Variants in MYH3 observed in about 807,000 individuals in gnomAD.
MYH3 encodes the protein myosin-3.
Under a neutral mutation model 238.0 loss-of-function variants are expected in MYH3, and 130 were observed. The observed-to-expected ratio is 0.55, with a 90% CI of 0.47 to 0.63. The LOEUF (loss-of-function observed/expected upper bound fraction) is 0.63. Among genes scored for constraint, MYH3 ranks in the 30% least tolerant of loss-of-function variants. MYH3 has a pLI of 0.00. For synonymous variants in MYH3, 880 were observed against 924.1 expected, an observed-to-expected ratio of 0.95 and a Z score of 0.86; for missense variants, 1,853 against 2,374.9, an observed-to-expected ratio of 0.78 and a Z score of 4.57.
intron 28 of MYH3, among the ~76,000 whole-genome samples, chr17:10,637,097 T>C (rs2074222938): frequency 6.6e-6 from 1 of 151,170 alleles, no homozygotes; most frequent in Non-Finnish European, 1.5e-5. Context: ...TTCATTCTTG[T>C]TGCCCAGGCT....
At chr17:10,641,001 CT>C in intron 19 of MYH3, 83 bp downstream of exon 19, 3 of 1,154,700 alleles carry the variant, frequency 2.6e-6, no homozygotes, top group Non-Finnish European at 3.9e-6. Context: ...CGAAATAGGT[CT>C]TTTCATACGA....
chr17:10,630,333 C>T lies in MYH3; in HGVS notation c.5412G>A (p.Leu1804=). ...TCTGCTTCTTCCCGCCCTTCAGCGC[C>T]AGCTGCTCGGCCTCATCTAGACGAT... The part of the protein sequence containing the change: ...LQHRLDEAEQ[L]ALKGGKKQIQ... The change falls in exon 37 of 41, where the codon CTG becomes CTA. Residue 1804 remains leucine (L), a synonymous_variant. Coordinates refer to ENST00000583535, the MANE Select transcript of MYH3 (RefSeq NM_002470.4). The T allele has an allele frequency of 6.2e-7, 1 of 1,614,226 alleles. No homozygotes were observed. Among genetic ancestry groups the T allele is most frequent in the East Asian group, 2.2e-5 (1 of 44,866 alleles).
chr17:10,629,558 A>G (rs745315197), intron 40 of MYH3, 39 bp downstream of exon 40: 3 of 1,611,178 alleles, frequency 1.9e-6, no homozygotes. Context: ...AAGTTTCTAC[A>G]GTCCCTGGGG....
intron 2 of MYH3, among the ~76,000 whole-genome samples, chr17:10,655,715 G>A (rs1049277866): frequency 1.3e-5 from 2 of 151,830 alleles, no homozygotes; most frequent in African/African-American, 4.8e-5. Context: ...GCAGTGGCAC[G>A]ATCTCCACTA....
At position 10,655,023 on chromosome 17, in the gene MYH3, A is replaced by G; in HGVS notation, c.42T>C (p.Ala14=). ...DTEMEVFGIA[A]PFLRKSEKER... ...CCTTTTCTGACTTCCGGAGGAAAGG[A>G]GCAGCTATGCCGAACACTTCCATTT... is the stretch of plus-strand genomic sequence containing the variant. Residue 14 remains alanine (A), a synonymous_variant, in exon 3 of 41, where the codon GCT becomes GCC. Coordinates refer to ENST00000583535, the MANE Select transcript of MYH3 (RefSeq NM_002470.4). The G allele has an allele frequency of 1.2e-6, 2 of 1,614,152 alleles. No individual in the cohort carries two copies. The highest frequency in any genetic ancestry group is 1.7e-6 in the Non-Finnish European group (2 of 1,180,038).
intron 3 of MYH3, among the ~76,000 whole-genome samples, chr17:10,653,490 G>T (rs2074398800): frequency 4.6e-5 from 7 of 152,058 alleles, no homozygotes; most frequent in Admixed American, 4.6e-4. Flanking sequence ...CCCCTTTCCT[G>T]CCCTTTCTGG....
chr17:10,657,818 T>TTAA (rs200368228), upstream of MYH3, among the ~76,000 whole-genome samples: 1 of 152,080 alleles, frequency 6.6e-6, no homozygotes, highest in African/African-American at 2.4e-5. Context: ...CCAGGAATAA[T>TTAA]TAATAATAAT....
Position 10,642,784 on chromosome 17 carries a change from G to A in MYH3, c.1581+42C>T, listed in dbSNP as rs1020015830. 1.9e-6 allele frequency: 3 copies of A among 1,614,016 alleles called. No homozygotes were observed. The African/African-American group carries it at 4.0e-5, about 22-fold the overall frequency. On this transcript the variant is annotated intron_variant, in intron 15 of 40. Coordinates refer to ENST00000583535, the MANE Select transcript of MYH3 (RefSeq NM_002470.4). This position sits in a 1 kb window ranked among gnomAD's most constrained non-coding sequence, Gnocchi z 5.4. ...ATATGAGCTGCAGTAATGAGCAGAA[G>A]AGTCTATGAGAAGAGCTTACGGTGG...
intron 28 of MYH3, among the ~76,000 whole-genome samples, chr17:10,636,598 C>T (rs559005070): frequency 1.3e-5 from 2 of 151,988 alleles, no homozygotes; most frequent in South Asian, 4.2e-4. Flanking sequence ...TGGCTCCAGA[C>T]GTGAATCCCC....
At position 10,644,667 on chromosome 17, in the gene MYH3, A is replaced by G; in HGVS notation, c.1177T>C (p.Ser393Pro). 6.2e-7 allele frequency: 1 copy of G among 1,614,050 alleles called. No homozygotes were observed. Among genetic ancestry groups the G allele is most frequent in the Non-Finnish European group, 8.5e-7 (1 of 1,180,032 alleles). ...DKTAYLMGLN[S>P]SDLLKALCFP... ...CACAAAGCTTTTAGGAGGTCCGAAGAGTTCAGGCCCATCAGATAGGCTGTT... is the reference window on the plus strand; with the variant it reads ...CACAAAGCTTTTAGGAGGTCCGAAGGGTTCAGGCCCATCAGATAGGCTGTT... Residue 393 changes from serine (S) to proline (P), a missense_variant, in exon 13 of 41, where the codon TCT becomes CCT. Physicochemically the swap from Ser to Pro is moderately conservative, Grantham distance 74. Coordinates refer to ENST00000583535, the MANE Select transcript of MYH3 (RefSeq NM_002470.4).
At chr17:10,660,936 T>C (rs535392022), upstream of MYH3, among the ~76,000 whole-genome samples, 62 of 146,904 alleles carry the variant, frequency 4.2e-4, 1 homozygote, top group African/African-American at 1.5e-3. Context: ...AGTAAGCCGA[T>C]ATTGTGCCAC....
chr17:10,674,544 C>G, the MYH3 span: 2 of 186,528 alleles, frequency 1.1e-5, no homozygotes, highest in African/African-American at 4.8e-5. Context: ...GGACCACAGA[C>G]TACACTGAGT....
intron 14 of MYH3, among the ~76,000 whole-genome samples, chr17:10,643,954 G>A (rs1370974287): frequency 6.6e-6 from 1 of 152,014 alleles, no homozygotes; most frequent in African/African-American, 2.4e-5. Flanking sequence ...GAGGTCAGGA[G>A]TTCGAGACCA....
chr17:10,655,299 T>C (rs184001606), intron 2 of MYH3, among the ~76,000 whole-genome samples: 2 of 152,158 alleles, frequency 1.3e-5, no homozygotes, highest in African/African-American at 4.8e-5. Context: ...TGTGCGACAG[T>C]CTTACAGCCT....
chr17:10,660,669 T>A (rs969034992), upstream of MYH3, among the ~76,000 whole-genome samples: 4 of 107,650 alleles, frequency 3.7e-5, no homozygotes, highest in Non-Finnish European at 6.9e-5. Context: ...AGAGTGAGAC[T>A]CTGACTCGGA....
rs2285468 is a variant in MYH3 at position 10,642,813 on chromosome 17, T to C, written c.1581+13A>G. On this transcript the variant is annotated intron_variant, in intron 15 of 40. Transcript: ENST00000583535. This position sits in a 1 kb window ranked among gnomAD's most constrained non-coding sequence, Gnocchi z 5.4. ...CTATGAGAAGAGCTTACGGTGGGGA[T>C]GGAACTGGATACCTTCTCGATGAGC... 2 of 1,613,426 alleles carry C rather than the reference T, an allele frequency of 1.2e-6. No homozygotes were observed. Among genetic ancestry groups the C allele is most frequent in the East Asian group, 2.2e-5 (1 of 44,808 alleles).
At chr17:10,672,361 G>A in the MYH3 span, 8 of 152,010 alleles carry the variant, frequency 5.3e-5, no homozygotes, top group African/African-American at 1.9e-4. Flanking sequence ...TTATGGCTCA[G>A]CAATATAGAT....
chr17:10,632,721 A>G lies in MYH3; in HGVS notation c.4711T>C (p.Ser1571Pro), dbSNP rs2074176789. ...TCGGCGATCTTTCTATCAATTTCTG[A>G]TTTCACTTGTGTCAATTCAAGCTGG... ...RIQLELTQVK[S>P]EIDRKIAEKD... The change falls in exon 34 of 41, where the codon TCA (serine) becomes CCA (proline). Residue 1571 changes from serine (S) to proline (P), a missense_variant. Ser to Pro is a moderately conservative substitution (Grantham distance 74, BLOSUM62 -1). This residue lies in a region of MYH3 where 1,044 missense variants were observed against 1,192.6 expected (regional missense o/e 0.88). Transcript: ENST00000583535. 6.2e-7 allele frequency: 1 copy of G among 1,614,012 alleles called. No homozygotes were observed. Among genetic ancestry groups the G allele is most frequent in the South Asian group, 1.1e-5 (1 of 91,066 alleles).
chr17:10,648,031 C>A (rs187627403), intron 8 of MYH3, among the ~76,000 whole-genome samples: 1 of 152,326 alleles, frequency 6.6e-6, no homozygotes, highest in East Asian at 1.9e-4. Context: ...CACTCCCTGG[C>A]TTATAGAATC....
Sources: allele counts gnomAD v4.1 joint callset (sites outside exome capture counted in the v4.1 genomes callset), GRCh38; gene constraint gnomAD v4.1.1; regional missense constraint gnomAD v4.1.1; non-coding constraint Gnocchi (gnomAD v3.1); transcripts MANE v1.5; gene names NCBI Gene and HGNC (gene_info 2026-07-23, HGNC 2026-07-21).